The following ATP9B variants were observed in gnomAD, a reference collection of about 807,000 sequenced individuals.
ATP9B encodes ATPase phospholipid transporting 9B, also known as probable phospholipid-transporting ATPase IIB.
ATP9B carries 110 observed loss-of-function variants against 146.1 expected under a neutral mutation model. That is an observed-to-expected ratio of 0.75 (90% CI 0.65 to 0.88). ATP9B has a LOEUF of 0.88. Ranked by LOEUF, ATP9B falls within the 40% of genes least tolerant of loss-of-function variation. The pLI is 0.00. For missense variants in ATP9B, 1,499 were observed against 1,496.4 expected, an observed-to-expected ratio of 1.00 and a Z score of -0.03; for synonymous variants, 604 against 569.7, an observed-to-expected ratio of 1.06 and a Z score of -0.86.
At chr18:79,081,566 C>G (rs1020395932) in intron 1 of ATP9B, among the ~76,000 whole-genome samples, 1 of 150,592 alleles carries the variant, frequency 6.6e-6, no homozygotes, top group African/African-American at 2.4e-5. Context: ...AAACCAGCTC[C>G]TGGGTATTCA....
chr18:79,161,599 A>C (rs570210112), intron 7 of ATP9B, among the ~76,000 whole-genome samples: 1 of 152,360 alleles, frequency 6.6e-6, no homozygotes, highest in East Asian at 1.9e-4. Context: ...TTGTAATCCC[A>C]GCACTTTGGG....
intron 13 of ATP9B, among the ~76,000 whole-genome samples, chr18:79,294,821 G>A (rs1039041352): frequency 6.6e-6 from 1 of 152,200 alleles, no homozygotes; most frequent in Non-Finnish European, 1.5e-5. Context: ...GCCAAGAGGA[G>A]TGAAGTGAGG....
chr18:79,138,125 A>G (rs998155187), intron 5 of ATP9B, among the ~76,000 whole-genome samples: 5 of 152,202 alleles, frequency 3.3e-5, no homozygotes, highest in African/African-American at 1.2e-4. Flanking sequence ...TGCCATCTAC[A>G]TCATAAGATA....
chr18:79,314,079 G>A (rs1043705838), intron 15 of ATP9B, among the ~76,000 whole-genome samples: 1 of 152,184 alleles, frequency 6.6e-6, no homozygotes, highest in Non-Finnish European at 1.5e-5. Flanking sequence ...AAAGTGCTTA[G>A]AATATTGCAC....
chr18:79,091,966 G>A (rs1026281699), intron 1 of ATP9B, among the ~76,000 whole-genome samples: 1 of 152,166 alleles, frequency 6.6e-6, no homozygotes, highest in South Asian at 2.1e-4. Flanking sequence ...TTAGATCTTA[G>A]TGGTGATTTG....
At chr18:79,126,970 C>T (rs1256520351) in intron 5 of ATP9B, among the ~76,000 whole-genome samples, 2 of 152,008 alleles carry the variant, frequency 1.3e-5, no homozygotes, top group African/African-American at 4.8e-5. Context: ...GTGGGGGAAA[C>T]GATGACAAGT....
chr18:79,285,695 G>A (rs772551308), intron 13 of ATP9B, among the ~76,000 whole-genome samples: 1 of 152,140 alleles, frequency 6.6e-6, no homozygotes. Flanking sequence ...CCTTGCCCAC[G>A]CCTATGCCCT....
At chr18:79,237,247 C>T (rs1483081439) in intron 11 of ATP9B, among the ~76,000 whole-genome samples, 13 of 137,460 alleles carry the variant, frequency 9.5e-5, no homozygotes, top group African/African-American at 3.0e-4. Context: ...GTACACGGTC[C>T]GTGCACGAGT....
chr18:79,336,688 G>T lies in ATP9B; in HGVS notation c.2089G>T (p.Glu697Ter), dbSNP rs762967287. 1.1e-5 allele frequency: 18 copies of T among 1,613,822 alleles called. No homozygotes were observed. Among genetic ancestry groups the T allele is most frequent in the Non-Finnish European group, 8.5e-6 (10 of 1,179,978 alleles). The change falls in exon 18 of 30, where the codon GAG becomes TAG. Residue 697 changes from glutamate (E) to a stop codon, truncating the protein, a stop_gained. Transcript: ENST00000426216. LOFTEE classifies it high-confidence loss of function. ...TLVVAKKALT[E>*]EQYQDFESRY... is the part of the protein sequence containing the mutation. ...CGTGGTTGCAAAGAAGGCGTTGACAGAGGAGCAGTACCAGGACTTTGAGGT... is the reference window on the plus strand; with the variant it reads ...CGTGGTTGCAAAGAAGGCGTTGACATAGGAGCAGTACCAGGACTTTGAGGT...
intron 29 of ATP9B, 84 bp from the exon 30 acceptor site, chr18:79,377,163 G>C: frequency 1.3e-6 from 2 of 1,519,948 alleles, no homozygotes; most frequent in Non-Finnish European, 1.8e-6. Context: ...CCGTCTGGTG[G>C]CCTGGCCAGG....
chr18:79,293,494 A>C (rs2096526291), intron 13 of ATP9B, among the ~76,000 whole-genome samples: 1 of 152,066 alleles, frequency 6.6e-6, no homozygotes, highest in South Asian at 2.1e-4. Context: ...TAGAAAAGCC[A>C]CTTTGGCCCT....
In ATP9B at chr18:79,123,884, T is replaced by C. The variant is rs534582121; in HGVS notation, c.559-2383T>C. On this transcript the variant is annotated intron_variant, in intron 4 of 29. Coordinates refer to ENST00000426216, the MANE Select transcript of ATP9B (RefSeq NM_198531.5). ...AGTAGACATTTACCCAAAGAAGATA[T>C]ACAAATGGCCAATAAGCATGTGAAA... Among the ~76,000 whole-genome samples, 8 of 152,258 alleles carry C rather than the reference T, an allele frequency of 5.3e-5. No individual in the cohort carries two copies. In the South Asian group the frequency reaches 6.2e-4, roughly 12 times the overall value.
At position 79,330,033 on chromosome 18, in the gene ATP9B, A is replaced by G; in HGVS notation, c.1957A>G (p.Thr653Ala). The change falls in exon 17 of 30, where the codon ACA becomes GCA. Residue 653 changes from threonine (T) to alanine (A), a missense_variant. Thr to Ala is a moderately conservative substitution (Grantham distance 58). Coordinates refer to ENST00000426216, the MANE Select transcript of ATP9B (RefSeq NM_198531.5). Reference protein sequence around the residue: ...IVRDESTAEITFYMKGADVAM... With the variant: ...IVRDESTAEIAFYMKGADVAM... The stretch of plus-strand genomic sequence containing the variant: ...ATAGGATGAATCCACGGCAGAAATC[A>G]CATTCTACATGAAGGGCGCTGACGT... The G allele has an allele frequency of 6.2e-7, 1 of 1,614,164 alleles. No individual in the cohort carries two copies. Among genetic ancestry groups the G allele is most frequent in the Non-Finnish European group, 8.5e-7 (1 of 1,179,982 alleles).
chr18:79,336,227 C>CTGTG (rs2096825899), intron 17 of ATP9B, among the ~76,000 whole-genome samples: 1 of 151,962 alleles, frequency 6.6e-6, no homozygotes, highest in Non-Finnish European at 1.5e-5. Context: ...TGTGCACCCT[C>CTGTG]CGTGTGTTCT....
At chr18:79,072,043 T>G (rs2071913398) in intron 1 of ATP9B, among the ~76,000 whole-genome samples, 1 of 152,116 alleles carries the variant, frequency 6.6e-6, no homozygotes, top group Admixed American at 6.5e-5. Context: ...GGATCTTATG[T>G]TGGTGTTTCA....
chr18:79,200,215 C>T (rs1252547276), intron 9 of ATP9B, among the ~76,000 whole-genome samples: 3 of 152,156 alleles, frequency 2.0e-5, no homozygotes, highest in African/African-American at 7.2e-5. Flanking sequence ...GGTAGGAATG[C>T]TTCATCTCTG....
At chr18:79,222,813 A>G (rs1297353999) in intron 11 of ATP9B, among the ~76,000 whole-genome samples, 6 of 152,220 alleles carry the variant, frequency 3.9e-5, no homozygotes, top group Admixed American at 3.9e-4. Context: ...TGAAAGTTCA[A>G]ATTACAAGGA....
At chr18:79,125,208 T>C (rs562848569) in intron 4 of ATP9B, among the ~76,000 whole-genome samples, 9 of 151,858 alleles carry the variant, frequency 5.9e-5, no homozygotes, top group South Asian at 4.2e-4. Context: ...CAGGGAGAGA[T>C]GGTTGTAGGG....
chr18:79,222,754 TAAACA>T (rs1192805669), intron 11 of ATP9B, among the ~76,000 whole-genome samples: 1 of 151,930 alleles, frequency 6.6e-6, no homozygotes, highest in African/African-American at 2.4e-5. Context: ...ATTTTAAGAC[TAAACA>T]AAAGTTTTTA....
Sources: allele counts gnomAD v4.1 joint callset (sites outside exome capture counted in the v4.1 genomes callset), GRCh38; gene constraint gnomAD v4.1.1; transcripts MANE v1.5; gene names NCBI Gene and HGNC (gene_info 2026-07-23, HGNC 2026-07-21).